OSBPL10: variants seen among roughly 807,000 people sequenced by gnomAD.
OSBPL10 encodes the protein oxysterol binding protein like 10, also known as oxysterol-binding protein-related protein 10.
Under a neutral mutation model 81.7 loss-of-function variants are expected in OSBPL10, and 49 were observed. That is an observed-to-expected ratio of 0.60 (90% CI 0.48 to 0.76). The LOEUF (loss-of-function observed/expected upper bound fraction) is 0.76. OSBPL10 is among the 30% of genes least tolerant of loss of function. The probability of loss-of-function intolerance (pLI) is 0.00; values close to 1 mark genes in which losing one functional copy is unlikely to be tolerated. For synonymous variants in OSBPL10, 419 were observed against 383.6 expected (o/e 1.09, Z -1.08); for missense variants, 923 against 987.8 (o/e 0.93, Z 0.88).
intron 1 of OSBPL10, among the ~76,000 whole-genome samples, chr3:31,932,359 C>G (rs1289152542): frequency 6.6e-6 from 1 of 152,120 alleles, no homozygotes; most frequent in Non-Finnish European, 1.5e-5. Flanking sequence ...ATTCAATGCC[C>G]TAAGTGATTT....
chr3:31,850,935 C>T (rs2125575968), intron 3 of OSBPL10, among the ~76,000 whole-genome samples: 1 of 152,228 alleles, frequency 6.6e-6, no homozygotes, highest in Non-Finnish European at 1.5e-5. Context: ...CCTGAACTGC[C>T]TCCATTAATG....
chr3:31,931,144 G>A (rs1161702325), intron 1 of OSBPL10, among the ~76,000 whole-genome samples: 2 of 151,918 alleles, frequency 1.3e-5, no homozygotes, highest in Non-Finnish European at 2.9e-5. Flanking sequence ...TCTTTGGAGA[G>A]GGAGACCGAG....
At chr3:31,901,078 A>C (rs566262090) in intron 1 of OSBPL10, among the ~76,000 whole-genome samples, 1 of 152,228 alleles carries the variant, frequency 6.6e-6, no homozygotes, top group Non-Finnish European at 1.5e-5. Context: ...CTTTTATGTA[A>C]TGTCTTTTCA....
rs1700060488 is a variant in OSBPL10 at position 31,660,861 on chromosome 3, A to G, written c.*1211T>C. On this transcript the variant is annotated 3_prime_UTR_variant, in exon 12 of 12. Transcript: ENST00000396556. The stretch of plus-strand genomic sequence containing the variant: ...GAAATATATTTGTCTAATATCTACA[A>G]AGTGTGAACAACTGGTCTTAAGAAA... The G allele has an allele frequency of 6.6e-6, 1 of 152,658 alleles. No individual in the cohort carries two copies. Among genetic ancestry groups the G allele is most frequent in the Non-Finnish European group, 1.5e-5 (1 of 68,042 alleles). The allele number at this position is 152,658 out of a possible 1,614,324, so 9.5% of individuals were successfully genotyped here.
At chr3:31,874,284 A>G (rs1201121976) in intron 3 of OSBPL10, among the ~76,000 whole-genome samples, 3 of 152,158 alleles carry the variant, frequency 2.0e-5, no homozygotes, top group African/African-American at 7.2e-5. Context: ...AACTCCTTGA[A>G]AACAGTGAAG....
At chr3:31,726,055 A>C (rs1378600478) in intron 6 of OSBPL10, among the ~76,000 whole-genome samples, 1 of 152,166 alleles carries the variant, frequency 6.6e-6, no homozygotes, top group Non-Finnish European at 1.5e-5. Context: ...TAGCAGACAC[A>C]ATCTATTATG....
intron 1 of OSBPL10, among the ~76,000 whole-genome samples, chr3:31,939,539 T>G (rs1000427760): frequency 4.6e-5 from 7 of 151,764 alleles, no homozygotes; most frequent in African/African-American, 1.7e-4. Flanking sequence ...GCTTCTAGAT[T>G]TATCTCTCCC....
chr3:31,749,354 A>G (rs921496580), intron 4 of OSBPL10, among the ~76,000 whole-genome samples: 1 of 152,220 alleles, frequency 6.6e-6, no homozygotes, highest in African/African-American at 2.4e-5. Context: ...GACACATTCC[A>G]CAGATGTGGT....
At chr3:31,687,913 A>C (rs1700832863) in intron 7 of OSBPL10, among the ~76,000 whole-genome samples, 1 of 149,446 alleles carries the variant, frequency 6.7e-6, no homozygotes, top group African/African-American at 2.5e-5. Context: ...AATAATAATA[A>C]TAATAATAAT....
intron 8 of OSBPL10, among the ~76,000 whole-genome samples, chr3:31,671,373 G>C (rs900608472): frequency 2.0e-5 from 3 of 152,170 alleles, no homozygotes; most frequent in Non-Finnish European, 2.9e-5. Context: ...GTTCTGGGCA[G>C]GGGGAAGAGC....
At chr3:31,915,385 G>A (rs1415604066) in intron 1 of OSBPL10, among the ~76,000 whole-genome samples, 2 of 151,992 alleles carry the variant, frequency 1.3e-5, no homozygotes, top group African/African-American at 2.4e-5. Context: ...TGGTGGACTG[G>A]ATATATAAAA....
At chr3:31,877,744 C>T (rs1210476580) in intron 2 of OSBPL10, among the ~76,000 whole-genome samples, 1 of 152,074 alleles carries the variant, frequency 6.6e-6, no homozygotes, top group African/African-American at 2.4e-5. Flanking sequence ...TGAAGATGGC[C>T]CCTACAAATC....
intron 6 of OSBPL10, chr3:31,732,815 C>A (rs1383882084): frequency 9.4e-6 from 2 of 213,036 alleles, no homozygotes; most frequent in African/African-American, 4.8e-5. Flanking sequence ...GGCCATGGCC[C>A]CACAGATCCC....
In OSBPL10 at chr3:31,945,005, G is replaced by T. The variant is rs1462645782; in HGVS notation, c.281+35894C>A. ...GTCTCTACTAAAAATACAAAAATTA[G>T]CTGGGCGTGGTGGCACACATGTGTA... On this transcript the variant is annotated intron_variant, in intron 1 of 11. Transcript: ENST00000396556. 3.3e-5 allele frequency among the ~76,000 whole-genome samples: 5 copies of T among 151,626 alleles called. No individual in the cohort carries two copies. In the East Asian group the frequency reaches 7.7e-4, roughly 23 times the overall value.
chr3:31,992,821 A>G (rs532428859), intron 2 of OSBPL10, among the ~76,000 whole-genome samples: 4 of 152,294 alleles, frequency 2.6e-5, no homozygotes, highest in African/African-American at 9.6e-5. Context: ...TAGCAAGGTA[A>G]CATCTGTCCA....
intron 7 of OSBPL10, among the ~76,000 whole-genome samples, chr3:31,684,892 C>G (rs544454944): frequency 2.6e-4 from 40 of 151,000 alleles, no homozygotes; most frequent in Non-Finnish European, 5.6e-4. Flanking sequence ...GTGGCTACCC[C>G]TAGGTTTGTT....
chr3:31,966,300 G>A (rs1225222340), intron 1 of OSBPL10, among the ~76,000 whole-genome samples: 14 of 151,276 alleles, frequency 9.3e-5, no homozygotes, highest in Non-Finnish European at 5.9e-5. Context: ...AAATGTGTGA[G>A]TGCAACTAAA....
At chr3:31,684,297 C>T (rs1486384521) in intron 7 of OSBPL10, among the ~76,000 whole-genome samples, 183 bp from the exon 8 acceptor site, 2 of 152,210 alleles carry the variant, frequency 1.3e-5, no homozygotes, top group South Asian at 4.1e-4. Context: ...TGAGAAGTGG[C>T]AGTGGAATCA....
intron 1 of OSBPL10, among the ~76,000 whole-genome samples, chr3:31,965,847 TAAAAAG>T (rs2125477773): frequency 1.2e-5 from 1 of 85,140 alleles, no homozygotes; most frequent in East Asian, 3.7e-4. Context: ...ATATATTATA[TAAAAAG>T]ATAATATATA....
Sources: allele counts gnomAD v4.1 joint callset (sites outside exome capture counted in the v4.1 genomes callset), GRCh38; gene constraint gnomAD v4.1.1; transcripts MANE v1.5; gene names NCBI Gene and HGNC (gene_info 2026-07-23, HGNC 2026-07-21).